Variants in DENND5A observed in about 807,000 individuals in gnomAD.
DENND5A encodes the protein DENN domain-containing protein 5A.
In DENND5A, 64 loss-of-function variants were observed where a neutral mutation model predicts 140.3. That is an observed-to-expected ratio of 0.46 (90% confidence interval 0.37 to 0.56). DENND5A has a LOEUF of 0.56. Ranked by LOEUF, DENND5A falls within the 20% of genes least tolerant of loss-of-function variation. The probability of loss-of-function intolerance (pLI) is 0.00; values close to 1 mark genes in which losing one functional copy is unlikely to be tolerated. For missense variants in DENND5A, 1,292 were observed against 1,593.8 expected (o/e 0.81, Z 3.22); for synonymous variants, 605 against 607.7 (o/e 1.00, Z 0.07).
chr11:9,174,896 C>A (rs1848498416), intron 8 of DENND5A, among the ~76,000 whole-genome samples: 1 of 151,928 alleles, frequency 6.6e-6, no homozygotes, highest in African/African-American at 2.4e-5. Context: ...GAATAAGATG[C>A]CCACTCTCAC....
chr11:9,201,215 T>A (rs925187591), intron 4 of DENND5A, among the ~76,000 whole-genome samples: 54 of 146,600 alleles, frequency 3.7e-4, no homozygotes, highest in South Asian at 1.1e-3. Context: ...AAAAAAAAAA[T>A]TTTTTTTTAA....
chr11:9,166,500 A>G (rs1358608768), intron 10 of DENND5A, among the ~76,000 whole-genome samples: 3 of 152,182 alleles, frequency 2.0e-5, no homozygotes, highest in Admixed American at 2.0e-4. Context: ...TAGCTGATGT[A>G]AAGCACTCCC....
intron 20 of DENND5A, chr11:9,143,170 G>A (rs1470813027): frequency 6.7e-6 from 4 of 596,382 alleles, no homozygotes; most frequent in African/African-American, 3.7e-5. Context: ...TTCACTAGGG[G>A]CCCAGGGACT....
At chr11:9,169,090 A>G (rs1230133145) in intron 10 of DENND5A, among the ~76,000 whole-genome samples, 4 of 152,174 alleles carry the variant, frequency 2.6e-5, no homozygotes, top group African/African-American at 7.2e-5. Context: ...AAGAAAAAAA[A>G]AGTCAAGATT....
intron 1 of DENND5A, among the ~76,000 whole-genome samples, chr11:9,239,099 T>C (rs2136269564): frequency 6.6e-6 from 1 of 152,242 alleles, no homozygotes; most frequent in South Asian, 2.1e-4. Context: ...TCCAAAATGC[T>C]GGGATTACAG....
chr11:9,253,525 G>A (rs1485514759), intron 1 of DENND5A, among the ~76,000 whole-genome samples: 1 of 152,060 alleles, frequency 6.6e-6, no homozygotes, highest in Non-Finnish European at 1.5e-5. Flanking sequence ...CACTTTGGGA[G>A]GCTGAGTCGG....
At chr11:9,174,526 T>C (rs1202489131) in intron 8 of DENND5A, among the ~76,000 whole-genome samples, 1 of 151,306 alleles carries the variant, frequency 6.6e-6, no homozygotes, top group African/African-American at 2.4e-5. Flanking sequence ...CTTTTTTTTT[T>C]TTTTTTAGAA....
In DENND5A at chr11:9,142,000, T is replaced by C. The variant is rs202155022; in HGVS notation, c.3620A>G (p.Asn1207Ser). ...ATCCTTGCCGATGTTCCGGGGAGTA[T>C]TGTTGATTGCAGTGACAAATCGGCA... Reference protein sequence around the residue: ...NFCRFVTAINNTPRNIGKDGK... With the variant: ...NFCRFVTAINSTPRNIGKDGK... Residue 1207 changes from asparagine (N) to serine (S), a missense_variant, in exon 22 of 23, where the codon AAT becomes AGT. This residue lies in a region of DENND5A where 498 missense variants were observed against 689.7 expected (regional missense o/e 0.72). Transcript: ENST00000328194. 66 of 1,607,756 alleles carry C rather than the reference T, an allele frequency of 4.1e-5. No homozygotes were observed. The highest frequency in any genetic ancestry group is 2.2e-4 in the Admixed American group (13 of 59,234).
chr11:9,248,860 C>T (rs971746177), intron 1 of DENND5A, among the ~76,000 whole-genome samples: 1 of 151,988 alleles, frequency 6.6e-6, no homozygotes, highest in Non-Finnish European at 1.5e-5. Context: ...CATAACTAGG[C>T]TAAAACATTG....
intron 2 of DENND5A, 84 bp from the exon 3 acceptor site, chr11:9,206,866 G>A: frequency 4.0e-6 from 4 of 997,208 alleles, no homozygotes; most frequent in Non-Finnish European, 6.3e-6. Context: ...TGGTAGTCCA[G>A]CAAGGTACAG....
At chr11:9,192,891 T>A (rs1333291631) in intron 5 of DENND5A, among the ~76,000 whole-genome samples, 1 of 152,230 alleles carries the variant, frequency 6.6e-6, no homozygotes, top group African/African-American at 2.4e-5. Context: ...ATGCTTTAAA[T>A]CTACTTTAGA....
In DENND5A at chr11:9,230,122, G is replaced by A. The variant is rs1205709012; in HGVS notation, c.110-22490C>T. Among the ~76,000 whole-genome samples the A allele has an allele frequency of 2.7e-5, 4 of 150,642 alleles. No homozygotes were observed. In the Admixed American group the frequency reaches 2.7e-4, roughly 10 times the overall value. On this transcript the variant is annotated intron_variant, in intron 1 of 22. Transcript: ENST00000328194. The stretch of plus-strand genomic sequence containing the variant: ...GACGGGGTTTCACCGTGTTAGCCAG[G>A]ATGGTCTCGATCTCCTGACCTCGTG...
chr11:9,163,554 C>G (rs1848064083), intron 11 of DENND5A, among the ~76,000 whole-genome samples: 1 of 152,068 alleles, frequency 6.6e-6, no homozygotes, highest in Non-Finnish European at 1.5e-5. Context: ...CCTGTAATCC[C>G]AGCACTTTGG....
chr11:9,174,630 T>C (rs891169772), intron 8 of DENND5A, among the ~76,000 whole-genome samples: 9 of 151,520 alleles, frequency 5.9e-5, no homozygotes, highest in African/African-American at 1.9e-4. Flanking sequence ...AGCCCACTAG[T>C]TCAAAGTTAC....
At chr11:9,241,455 A>G (rs566256655) in intron 1 of DENND5A, among the ~76,000 whole-genome samples, 2 of 152,206 alleles carry the variant, frequency 1.3e-5, no homozygotes, top group Non-Finnish European at 1.5e-5. Flanking sequence ...ATAAAGCCCT[A>G]CATCTTTCCC....
At chr11:9,261,757 A>G (rs1564949109) in intron 1 of DENND5A, among the ~76,000 whole-genome samples, 1 of 143,808 alleles carries the variant, frequency 7.0e-6, no homozygotes, top group Non-Finnish European at 1.5e-5. Flanking sequence ...CAGCTGGGGC[A>G]ACAGAGTGAG....
At chr11:9,175,547 C>T (rs1310079743) in intron 8 of DENND5A, 1 of 152,126 alleles carries the variant, frequency 6.6e-6, no homozygotes, top group Non-Finnish European at 1.5e-5. Flanking sequence ...AAGATTAACA[C>T]TACTTGATTT....
chr11:9,142,571 C>G (rs1355755813), intron 21 of DENND5A, 151 bp downstream of exon 21: 4 of 993,388 alleles, frequency 4.0e-6, no homozygotes, highest in Non-Finnish European at 6.0e-6. Flanking sequence ...TCTTGTCACT[C>G]CCTTCAAGAA....
At chr11:9,223,580 T>C (rs1850406211) in intron 1 of DENND5A, among the ~76,000 whole-genome samples, 1 of 150,516 alleles carries the variant, frequency 6.6e-6, no homozygotes, top group Non-Finnish European at 1.5e-5. Flanking sequence ...TAGCAGGGTG[T>C]GATGGCACCA....
Sources: allele counts gnomAD v4.1 joint callset (sites outside exome capture counted in the v4.1 genomes callset), GRCh38; gene constraint gnomAD v4.1.1; regional missense constraint gnomAD v4.1.1; transcripts MANE v1.5; gene names NCBI Gene and HGNC (gene_info 2026-07-23, HGNC 2026-07-21).